SFSWAP: variants seen among roughly 807,000 people sequenced by gnomAD.
The protein encoded by SFSWAP is splicing factor, suppressor of white-apricot homolog.
A neutral mutation model predicts 100.7 loss-of-function variants in SFSWAP; 17 were observed. The observed-to-expected ratio is 0.17, with a 90% CI of 0.12 to 0.25. The LOEUF (loss-of-function observed/expected upper bound fraction) is 0.25, where lower values mean the gene tolerates loss of function less well. Ranked by LOEUF, SFSWAP falls within the 10% of genes least tolerant of loss-of-function variation. The pLI is 1.00. For synonymous variants in SFSWAP, 504 were observed against 510.1 expected, an observed-to-expected ratio of 0.99 and a Z score of 0.16; for missense variants, 1,005 against 1,262.6, an observed-to-expected ratio of 0.80 and a Z score of 3.09.
intron 4 of SFSWAP, among the ~76,000 whole-genome samples, chr12:131,722,488 C>T (rs748313234): frequency 2.0e-5 from 3 of 152,034 alleles, no homozygotes; most frequent in Non-Finnish European, 4.4e-5. Context: ...TGTGCTTGCT[C>T]GAACACATTT....
At chr12:131,717,283 C>G (rs1261198146) in intron 3 of SFSWAP, among the ~76,000 whole-genome samples, 1 of 152,180 alleles carries the variant, frequency 6.6e-6, no homozygotes, top group Admixed American at 6.5e-5. Context: ...CCTTGTGATA[C>G]TAGCCAAAAG....
intron 13 of SFSWAP, among the ~76,000 whole-genome samples, chr12:131,774,347 TA>T (rs1242876307): frequency 6.6e-6 from 1 of 152,214 alleles, no homozygotes; most frequent in Non-Finnish European, 1.5e-5. Flanking sequence ...TTTGCCACAG[TA>T]GGAAATAATC....
intron 13 of SFSWAP, among the ~76,000 whole-genome samples, chr12:131,767,140 A>G (rs1215796405): frequency 2.4e-5 from 2 of 84,662 alleles, no homozygotes; most frequent in Admixed American, 2.4e-4. Context: ...GATTGCTCCC[A>G]TGCGTGTCCG....
At chr12:131,759,796 C>G (rs1177597235) in intron 11 of SFSWAP, among the ~76,000 whole-genome samples, 3 of 147,042 alleles carry the variant, frequency 2.0e-5, no homozygotes, top group Non-Finnish European at 4.5e-5. Flanking sequence ...AGCGAGACTC[C>G]GTCTCAAAAA....
At chr12:131,790,663 A>ATC (rs1231400266) in intron 15 of SFSWAP, among the ~76,000 whole-genome samples, 1 of 152,204 alleles carries the variant, frequency 6.6e-6, no homozygotes, top group Non-Finnish European at 1.5e-5. Flanking sequence ...TGTCCCGGTT[A>ATC]TCTTATTGTA....
chr12:131,719,068 C>T (rs970614431), intron 3 of SFSWAP, among the ~76,000 whole-genome samples: 5 of 152,074 alleles, frequency 3.3e-5, no homozygotes, highest in East Asian at 1.9e-4. Context: ...ATGTGAGACC[C>T]GCATATATGG....
intron 7 of SFSWAP, among the ~76,000 whole-genome samples, chr12:131,735,041 C>A (rs1230067612): frequency 1.3e-5 from 2 of 152,152 alleles, no homozygotes; most frequent in Non-Finnish European, 2.9e-5. Flanking sequence ...AAGTGGGAGG[C>A]AGCAGCAGAG....
rs1474687311 is a variant in SFSWAP at position 131,734,991 on chromosome 12, A to G, written c.1081+6563A>G. Among the ~76,000 whole-genome samples, 3 of 152,158 alleles carry G rather than the reference A, an allele frequency of 2.0e-5. No homozygotes were observed. Among genetic ancestry groups the G allele is most frequent in the Non-Finnish European group, 4.4e-5 (3 of 68,024 alleles). ...GACTGTCCGTGAAGGTGACGCTCAT[A>G]CCGTAACCTTAGCAGCAGGCTGTTG... On this transcript the variant is annotated intron_variant, in intron 7 of 17. Coordinates refer to ENST00000261674, the MANE Select transcript of SFSWAP (RefSeq NM_004592.4). The surrounding 1 kb of genome is among the most constrained non-coding windows in gnomAD (Gnocchi z 4.9).
At chr12:131,758,185 G>A (rs1210182054) in intron 11 of SFSWAP, 2 of 152,846 alleles carry the variant, frequency 1.3e-5, no homozygotes, top group Admixed American at 6.6e-5. Flanking sequence ...GTGCAGAGGG[G>A]TTGTGAGCCC....
chr12:131,755,595 C>CT (rs138667965), intron 10 of SFSWAP, 116 bp downstream of exon 10: 2 of 693,268 alleles, frequency 2.9e-6, no homozygotes, highest in Non-Finnish European at 5.0e-6. Context: ...GATTCTTCAC[C>CT]TTTTTTTAAT....
chr12:131,790,904 G>A (rs1165497214), intron 15 of SFSWAP, among the ~76,000 whole-genome samples: 1 of 152,122 alleles, frequency 6.6e-6, no homozygotes, highest in Non-Finnish European at 1.5e-5. Context: ...TAGCTAAAAA[G>A]CCAATAGCAG....
chr12:131,782,715 G>T (rs1884590251), intron 14 of SFSWAP, among the ~76,000 whole-genome samples: 2 of 152,136 alleles, frequency 1.3e-5, no homozygotes, highest in Non-Finnish European at 2.9e-5. Context: ...TTTATTTAAT[G>T]GCTATACTGT....
intron 7 of SFSWAP, among the ~76,000 whole-genome samples, chr12:131,743,675 T>A (rs1247743050): frequency 6.6e-6 from 1 of 152,244 alleles, no homozygotes; most frequent in East Asian, 1.9e-4. Context: ...TTCTGGGGTC[T>A]GGAGGATGGT....
chr12:131,755,403 C>T lies in SFSWAP; in HGVS notation c.1472C>T (p.Pro491Leu), dbSNP rs755049319. 5.6e-6 allele frequency: 9 copies of T among 1,613,562 alleles called. No individual in the cohort carries two copies. Among genetic ancestry groups the T allele is most frequent in the South Asian group, 1.1e-5 (1 of 91,054 alleles). ...KNDQRFEFLQ[P>L]WHQYNAYYEF... is the part of the protein sequence containing the mutation. ...CTGCTCAGATTTGAGTTCCTGCAGC[C>T]GTGGCACCAGTATAATGCTTATTAT... The change falls in exon 10 of 18, where the codon CCG (proline) becomes CTG (leucine). Residue 491 changes from proline to leucine, a missense_variant. Around this residue, in one of 7 missense-constraint regions of SFSWAP, gnomAD observed 311 missense variants for 317.8 expected, o/e 0.98. Transcript: ENST00000261674.
Position 131,714,085 on chromosome 12 carries a change from G to T in SFSWAP, c.233G>T (p.Gly78Val). 6.2e-7 allele frequency: 1 copy of T among 1,613,244 alleles called. No individual in the cohort carries two copies. ...KILIDRYDGR[G>V]HLHDLSEYDA... ...TCACATTACAGATATGATGGACGTGGTCACCTGCATGACCTTTCTGAGTAC... is the reference window on the plus strand; with the variant it reads ...TCACATTACAGATATGATGGACGTGTTCACCTGCATGACCTTTCTGAGTAC... Residue 78 changes from glycine to valine, a missense_variant, in exon 2 of 18, where the codon GGT becomes GTT. By Grantham distance (109) the Gly-to-Val change is moderately radical. Transcript: ENST00000261674. The surrounding 1 kb of genome is among the most constrained non-coding windows in gnomAD (Gnocchi z 6.0).
chr12:131,799,015 G>GCT lies in SFSWAP; in HGVS notation c.2718-9_2718-8dup, dbSNP rs147985401. The stretch of plus-strand genomic sequence containing the variant: ...GCATCTTCACACGGTTGTAAGCTCT[G>GCT]CTCTCTCTCTCTCTGCATTAGGGGA... On this transcript the variant is annotated intron_variant, in intron 16 of 17. Transcript: ENST00000261674. The GCT allele has an allele frequency of 3.5e-3, 5,244 of 1,487,904 alleles. 8 individuals are homozygous for GCT. The highest frequency in any genetic ancestry group is 0.029 in the Middle Eastern group (165 of 5,720). 92.2% of individuals were successfully genotyped at this position (1,487,904 alleles called of 1,614,324 possible).
chr12:131,766,012 C>T lies in SFSWAP; in HGVS notation c.1952-106C>T, dbSNP rs1001499505. 2.6e-6 allele frequency: 3 copies of T among 1,149,344 alleles called. No individual in the cohort carries two copies. In the African/African-American group the frequency reaches 4.6e-5, roughly 18 times the overall value. 71.2% of individuals were successfully genotyped at this position (1,149,344 alleles called of 1,614,324 possible). On this transcript the variant is annotated intron_variant, in intron 12 of 17. Transcript: ENST00000261674. ...TCCAATGTATGTACCTATTCAGAAACTTTAACTAACTGCATTGTATGACAC... is the reference window on the plus strand; with the variant it reads ...TCCAATGTATGTACCTATTCAGAAATTTTAACTAACTGCATTGTATGACAC...
At chr12:131,740,245 A>C (rs116150327) in intron 7 of SFSWAP, among the ~76,000 whole-genome samples, 2,387 of 152,188 alleles carry the variant, frequency 0.016, 61 homozygotes, top group African/African-American at 0.053. Flanking sequence ...AATCTTTCTC[A>C]GCTGCCTTTT....
rs748192437 is a variant in SFSWAP, at chr12:131,786,640, G to A, written c.2534+52G>A. ...GCTGGATGTGGGCCAGGTTTCCCTG[G>A]GTGGAAAGGGCGTCTGAAGGTCGGG... On this transcript the variant is annotated intron_variant, in intron 15 of 17. Coordinates refer to ENST00000261674, the MANE Select transcript of SFSWAP (RefSeq NM_004592.4). 15 of 1,544,902 alleles carry A rather than the reference G, an allele frequency of 9.7e-6. No individual in the cohort carries two copies. The Admixed American group carries it at 2.7e-4, about 27-fold the overall frequency.
Sources: gnomAD v4.1 joint callset for allele counts (sites outside exome capture counted in the v4.1 genomes callset) on GRCh38, gnomAD v4.1.1 for gene constraint, gnomAD v4.1.1 regional missense constraint, Gnocchi (gnomAD v3.1) non-coding constraint, MANE v1.5 for transcripts, NCBI Gene and HGNC (gene_info 2026-07-23, HGNC 2026-07-21) for gene names.